Variants in UGGT2 observed in about 807,000 individuals in gnomAD.
The protein encoded by UGGT2 is UDP-glucose glycoprotein glucosyltransferase 2.
Under a neutral mutation model 192.1 loss-of-function variants are expected in UGGT2, and 180 were observed. The observed-to-expected ratio is 0.94, with a 90% confidence interval of 0.83 to 1.06. UGGT2 has a LOEUF of 1.06. Ranked by LOEUF, UGGT2 falls within the 50% of genes least tolerant of loss-of-function variation. The pLI is 0.00. For missense variants in UGGT2, 1,849 were observed against 1,795.7 expected (o/e 1.03, Z -0.54); for synonymous variants, 580 against 591.0 (o/e 0.98, Z 0.27).
intron 38 of UGGT2, among the ~76,000 whole-genome samples, chr13:95,825,439 T>A (rs1885928947): frequency 6.6e-6 from 1 of 152,100 alleles, no homozygotes; most frequent in Non-Finnish European, 1.5e-5. Flanking sequence ...AAGAAAGCTA[T>A]CCAACTCCCA....
At chr13:96,049,043 A>G (rs2053407765) in intron 1 of UGGT2, among the ~76,000 whole-genome samples, 1 of 152,242 alleles carries the variant, frequency 6.6e-6, no homozygotes, top group Admixed American at 6.5e-5. Flanking sequence ...AGAGAATTTT[A>G]GACCAATATC....
In UGGT2 at chr13:95,842,751, G is replaced by T. The variant is rs191770444; in HGVS notation, c.4285-5549C>A. Among the ~76,000 whole-genome samples the T allele has an allele frequency of 7.9e-5, 12 of 152,274 alleles. No homozygotes were observed. In the East Asian group the frequency reaches 2.3e-3, roughly 29 times the overall value. The stretch of plus-strand genomic sequence containing the variant: ...GGCCATCTGCCAGAAACTGATGACT[G>T]CCTATAGCCACATCCAGCAAGGAAA... On this transcript the variant is annotated intron_variant, in intron 36 of 38. Transcript: ENST00000376747.
At chr13:96,046,008 A>G (rs889406280) in intron 1 of UGGT2, among the ~76,000 whole-genome samples, 3 of 152,226 alleles carry the variant, frequency 2.0e-5, no homozygotes, top group African/African-American at 7.2e-5. Flanking sequence ...ATGGAACCAA[A>G]AAAGAGCCCA....
chr13:95,980,626 G>T (rs1167956282), intron 10 of UGGT2, among the ~76,000 whole-genome samples: 1 of 152,166 alleles, frequency 6.6e-6, no homozygotes, highest in Non-Finnish European at 1.5e-5. Context: ...ACTGATCAAA[G>T]TAGATGGTTT....
intron 36 of UGGT2, among the ~76,000 whole-genome samples, chr13:95,841,750 A>C (rs866196865): frequency 6.6e-6 from 1 of 152,304 alleles, no homozygotes; most frequent in Middle Eastern, 3.4e-3. Flanking sequence ...TTATAACTTA[A>C]AAACATTGCC....
At chr13:95,887,708 G>T (rs2047684200) in intron 26 of UGGT2, among the ~76,000 whole-genome samples, 184 bp downstream of exon 26, 1 of 152,026 alleles carries the variant, frequency 6.6e-6, no homozygotes. Context: ...TGCTGAGTTA[G>T]GTTATTTTAA....
At chr13:96,031,628 T>G (rs1390462526) in intron 2 of UGGT2, among the ~76,000 whole-genome samples, 1 of 152,168 alleles carries the variant, frequency 6.6e-6, no homozygotes, top group East Asian at 1.9e-4. Context: ...AGGTAACAAT[T>G]TTGATTTCTT....
At chr13:96,050,932 C>G (rs919445692) in intron 1 of UGGT2, among the ~76,000 whole-genome samples, 4 of 152,182 alleles carry the variant, frequency 2.6e-5, no homozygotes, top group African/African-American at 9.7e-5. Context: ...GGCGATTCCT[C>G]AAGGATGTAG....
At chr13:95,857,514 T>C (rs899045602) in intron 33 of UGGT2, among the ~76,000 whole-genome samples, 10 of 152,178 alleles carry the variant, frequency 6.6e-5, no homozygotes, top group Non-Finnish European at 8.8e-5. Context: ...TAAGTATGTA[T>C]AATTTTAGCA....
chr13:95,868,495 G>A (rs1890889206), intron 29 of UGGT2, among the ~76,000 whole-genome samples: 1 of 152,092 alleles, frequency 6.6e-6, no homozygotes, highest in African/African-American at 2.4e-5. Context: ...TAGTCAGGAG[G>A]CTGAAGTAGG....
intron 5 of UGGT2, among the ~76,000 whole-genome samples, chr13:96,010,128 A>G (rs1357499448): frequency 6.6e-6 from 1 of 152,180 alleles, no homozygotes; most frequent in South Asian, 2.1e-4. Context: ...CAGCAATCCC[A>G]TAACTGGGTA....
At chr13:95,899,266 C>T (rs906823082) in intron 22 of UGGT2, among the ~76,000 whole-genome samples, 1 of 152,140 alleles carries the variant, frequency 6.6e-6, no homozygotes, top group Admixed American at 6.6e-5. Flanking sequence ...ATTAGCCAGT[C>T]TGTGGCATAT....
At chr13:95,901,529 C>T (rs1388101626) in intron 21 of UGGT2, among the ~76,000 whole-genome samples, 1 of 152,106 alleles carries the variant, frequency 6.6e-6, no homozygotes, top group Non-Finnish European at 1.5e-5. Flanking sequence ...AATGTACATA[C>T]CAATCACCTG....
chr13:95,947,150 T>G lies in UGGT2; in HGVS notation c.1564A>C (p.Asn522His). The G allele has an allele frequency of 1.9e-6, 3 of 1,605,062 alleles. No individual in the cohort carries two copies. The highest frequency in any genetic ancestry group is 2.5e-6 in the Non-Finnish European group (3 of 1,177,644). The change falls in exon 15 of 39, where the codon AAT (asparagine) becomes CAT (histidine). Residue 522 changes from asparagine (N) to histidine (H), a missense_variant. Asn to His is a moderately conservative substitution (Grantham distance 68). Transcript: ENST00000376747. Reference protein sequence around the residue: ...PLRIGFVFILNTDDEVDGAND... With the variant: ...PLRIGFVFILHTDDEVDGAND... The stretch of plus-strand genomic sequence containing the variant: ...GCTCCATCAACTTCATCATCTGTAT[T>G]AAGAATGAACACAAAACCAATTCTG...
At chr13:95,911,538 G>A (rs2048497939) in intron 20 of UGGT2, among the ~76,000 whole-genome samples, 2 of 152,178 alleles carry the variant, frequency 1.3e-5, no homozygotes, top group African/African-American at 4.8e-5. Context: ...AAACCAGGAA[G>A]AAGCTGAATC....
At chr13:95,953,729 C>CA (rs145353005) in intron 12 of UGGT2, among the ~76,000 whole-genome samples, 19,131 of 146,244 alleles carry the variant, frequency 0.13, 1,304 homozygotes, top group Middle Eastern at 0.22. Context: ...CTATTTTCTA[C>CA]AAAAAAAAAA....
chr13:96,000,173 C>T (rs2051754084), intron 5 of UGGT2, among the ~76,000 whole-genome samples: 2 of 152,174 alleles, frequency 1.3e-5, no homozygotes, highest in Non-Finnish European at 2.9e-5. Flanking sequence ...TCAGCAAACT[C>T]CCTGGAAGAA....
intron 29 of UGGT2, among the ~76,000 whole-genome samples, chr13:95,876,555 G>A (rs1035049900): frequency 6.6e-6 from 1 of 152,168 alleles, no homozygotes; most frequent in Non-Finnish European, 1.5e-5. Flanking sequence ...ACTGGGGTGA[G>A]CATGGTTTTG....
chr13:95,836,971 C>A lies in UGGT2; in HGVS notation c.4401+115G>T, dbSNP rs185788680. ...CTAAGTAAATGTGTAATAGACTGAA[C>A]AGCAGAAGAAGCGAAGTAATACGTA... On this transcript the variant is annotated intron_variant, in intron 37 of 38. Coordinates refer to ENST00000376747, the MANE Select transcript of UGGT2 (RefSeq NM_020121.4). 8.0e-6 allele frequency: 7 copies of A among 872,642 alleles called. 1 individual carries two copies. The South Asian group carries it at 1.1e-4, about 14-fold the overall frequency. 54.1% of individuals were successfully genotyped at this position (872,642 alleles called of 1,614,324 possible).
Sources: allele counts gnomAD v4.1 joint callset (sites outside exome capture counted in the v4.1 genomes callset), GRCh38; gene constraint gnomAD v4.1.1; transcripts MANE v1.5; gene names NCBI Gene and HGNC (gene_info 2026-07-23, HGNC 2026-07-21).